TTC39B: variants seen among roughly 807,000 people sequenced by gnomAD.
TTC39B encodes tetratricopeptide repeat protein 39B.
Under a neutral mutation model 96.6 loss-of-function variants are expected in TTC39B, and 92 were observed. The ratio of observed to expected loss-of-function variants is 0.95; its 90% CI spans 0.80 to 1.13. TTC39B has a LOEUF of 1.13. TTC39B is among the 50% of genes most tolerant of loss of function. The pLI is 0.00. For synonymous variants in TTC39B, 367 were observed against 299.4 expected, an observed-to-expected ratio of 1.23 and a Z score of -2.33; for missense variants, 955 against 809.3, an observed-to-expected ratio of 1.18 and a Z score of -2.18.
At chr9:15,264,585 G>A (rs1823056891) in intron 2 of TTC39B, among the ~76,000 whole-genome samples, 5 of 150,390 alleles carry the variant, frequency 3.3e-5, no homozygotes, top group Middle Eastern at 6.8e-3. Context: ...AACCCAGGAG[G>A]CAGAGGTTGC....
exon 20 of TTC39B, chr9:15,171,978 C>T: frequency 6.2e-6 from 9 of 1,451,420 alleles, no homozygotes; most frequent in Admixed American, 1.7e-5. Context: ...ATAGCAGATG[C>T]CGATGCTAAT....
At chr9:15,298,751 C>T (rs1168322481) in intron 1 of TTC39B, among the ~76,000 whole-genome samples, 1 of 152,106 alleles carries the variant, frequency 6.6e-6, no homozygotes, top group Non-Finnish European at 1.5e-5. Flanking sequence ...AATCCCCTCT[C>T]ATCTATCTAT....
intron 3 of TTC39B, chr9:15,224,603 G>A (rs1408554284): frequency 1.3e-5 from 2 of 152,188 alleles, no homozygotes; most frequent in Non-Finnish European, 2.9e-5. Context: ...TGCGTGTCAT[G>A]CCCTTATTTA....
intron 1 of TTC39B, among the ~76,000 whole-genome samples, chr9:15,289,270 G>A (rs565199915): frequency 6.6e-6 from 1 of 152,270 alleles, no homozygotes; most frequent in East Asian, 1.9e-4. Flanking sequence ...ATACCAAAAT[G>A]TTCAATATGG....
At chr9:15,235,895 A>C (rs591647) in intron 2 of TTC39B, among the ~76,000 whole-genome samples, 29,803 of 151,676 alleles carry the variant, frequency 0.2, 3,016 homozygotes, top group African/African-American at 0.23. Flanking sequence ...CTTATAAAAC[A>C]ACTACACAAT....
exon 20 of TTC39B, chr9:15,167,171 G>C (rs1224447692): frequency 7.3e-6 from 1 of 137,426 alleles, no homozygotes; most frequent in Non-Finnish European, 1.6e-5. Flanking sequence ...CTAGTAGCTA[G>C]GACTACAAGT....
At chr9:15,222,617 C>T (rs1414830778) in intron 3 of TTC39B, among the ~76,000 whole-genome samples, 2 of 152,178 alleles carry the variant, frequency 1.3e-5, no homozygotes, top group South Asian at 2.1e-4. Context: ...CCAGAACTCC[C>T]TGTGTAATTC....
intron 2 of TTC39B, chr9:15,250,284 A>G (rs952863124): frequency 1.7e-4 from 151 of 884,984 alleles, no homozygotes; most frequent in Non-Finnish European, 1.9e-4. Context: ...CTAATCCATC[A>G]CTGTTTAATT....
intron 4 of TTC39B, among the ~76,000 whole-genome samples, chr9:15,211,829 G>T (rs974862011): frequency 2.0e-5 from 3 of 152,076 alleles, no homozygotes; most frequent in African/African-American, 7.2e-5. Context: ...CCCTCTCCTC[G>T]CCAGCCAAAG....
intron 1 of TTC39B, among the ~76,000 whole-genome samples, chr9:15,269,790 C>T (rs966842853): frequency 2.0e-5 from 3 of 149,540 alleles, no homozygotes; most frequent in South Asian, 2.1e-4. Flanking sequence ...GGGAGGCGGA[C>T]GTTACAGTGA....
chr9:15,250,247 T>A, intron 2 of TTC39B: 1 of 1,093,442 alleles, frequency 9.1e-7, no homozygotes, highest in Non-Finnish European at 1.1e-6. Context: ...AGATTTTTTT[T>A]CCCCCAATCT....
At chr9:15,246,363 T>G (rs1198722786) in intron 2 of TTC39B, among the ~76,000 whole-genome samples, 2 of 151,636 alleles carry the variant, frequency 1.3e-5, no homozygotes, top group Non-Finnish European at 3.0e-5. Context: ...GAGACTCACC[T>G]TAACAAAAAT....
chr9:15,222,020 C>T (rs530959416), intron 3 of TTC39B, among the ~76,000 whole-genome samples: 13 of 152,250 alleles, frequency 8.5e-5, no homozygotes, highest in East Asian at 7.7e-4. Flanking sequence ...TAAATGAATT[C>T]GGAAGAAGCA....
chr9:15,243,634 G>A (rs2126819), intron 2 of TTC39B, among the ~76,000 whole-genome samples: 3,015 of 152,282 alleles, frequency 0.02, 97 homozygotes, highest in African/African-American at 0.069. Flanking sequence ...AGCAGGCTGG[G>A]TACAGTGCCT....
chr9:15,271,535 A>G (rs1198342510), intron 1 of TTC39B, among the ~76,000 whole-genome samples: 1 of 152,154 alleles, frequency 6.6e-6, no homozygotes, highest in African/African-American at 2.4e-5. Flanking sequence ...GATCACTTGC[A>G]TGCACATTTC....
At chr9:15,190,102 AT>A (rs758760804) in intron 11 of TTC39B, among the ~76,000 whole-genome samples, 1 of 152,130 alleles carries the variant, frequency 6.6e-6, no homozygotes, top group Non-Finnish European at 1.5e-5. Context: ...AAAGAAAAAA[AT>A]CTCATATATG....
At chr9:15,241,710 A>C (rs1822046713) in intron 2 of TTC39B, among the ~76,000 whole-genome samples, 1 of 151,546 alleles carries the variant, frequency 6.6e-6, no homozygotes, top group African/African-American at 2.4e-5. Flanking sequence ...TGAGGAAAAT[A>C]GTAATCTTTC....
exon 20 of TTC39B, chr9:15,170,475 T>A (rs1308535435): frequency 6.6e-6 from 1 of 152,234 alleles, no homozygotes; most frequent in Admixed American, 6.5e-5. Context: ...TAATAATTCA[T>A]ACTTTTGTAT....
At chr9:15,304,356 T>G (rs1043143618) in intron 1 of TTC39B, among the ~76,000 whole-genome samples, 2 of 152,244 alleles carry the variant, frequency 1.3e-5, no homozygotes, top group African/African-American at 4.8e-5. Flanking sequence ...AACAAGCTTT[T>G]GTTGATTGAG....
Sources: gnomAD v4.1 joint callset for allele counts (sites outside exome capture counted in the v4.1 genomes callset) on GRCh38, gnomAD v4.1.1 for gene constraint, MANE v1.5 for transcripts, NCBI Gene and HGNC (gene_info 2026-07-23, HGNC 2026-07-21) for gene names.